Variants in EEA1 observed in about 807,000 individuals in gnomAD.
The protein encoded by EEA1 is early endosome antigen 1, 162kD.
A neutral mutation model predicts 209.2 loss-of-function variants in EEA1; 111 were observed. That is an observed-to-expected ratio of 0.53 (90% CI 0.45 to 0.62). The LOEUF is 0.62. Among genes scored for constraint, EEA1 ranks in the 20% least tolerant of loss-of-function variants. The pLI is 0.00. For missense variants in EEA1, 1,343 were observed against 1,530.8 expected (o/e 0.88, Z 2.05); for synonymous variants, 536 against 540.6 (o/e 0.99, Z 0.12).
chr12:92,838,915 T>C lies in EEA1; in HGVS notation c.915+3550A>G, dbSNP rs185456537. Reference sequence around the variant, plus strand: ...GAGTTATACTGAACTAGCCACACTTTTTTTTTTATGAAACACCACTTTTAC... The same window carrying C: ...GAGTTATACTGAACTAGCCACACTTCTTTTTTTATGAAACACCACTTTTAC... On this transcript the variant is annotated intron_variant, in intron 10 of 28. Transcript: ENST00000322349. 5.9e-3 allele frequency among the ~76,000 whole-genome samples: 897 copies of C among 152,266 alleles called. 8 individuals are homozygous for C. The highest frequency in any genetic ancestry group is 0.021 in the African/African-American group (857 of 41,560).
At chr12:92,843,359 A>G (rs930375032) in intron 9 of EEA1, among the ~76,000 whole-genome samples, 6 of 151,868 alleles carry the variant, frequency 4.0e-5, no homozygotes, top group Non-Finnish European at 2.9e-5. Context: ...GGGTCTTACT[A>G]TGTTGCCTAG....
At chr12:92,819,548 G>C (rs1350829651) in intron 13 of EEA1, 37 bp from the exon 14 acceptor site, 1 of 1,421,362 alleles carries the variant, frequency 7.0e-7, no homozygotes, top group Non-Finnish European at 9.5e-7. Context: ...TAAGAATAGA[G>C]AACTTAAAAA....
At chr12:92,787,677 T>C (rs1369412713) in intron 22 of EEA1, among the ~76,000 whole-genome samples, 190 bp downstream of exon 22, 2 of 152,134 alleles carry the variant, frequency 1.3e-5, no homozygotes, top group Non-Finnish European at 2.9e-5. Flanking sequence ...ATTATAAATA[T>C]GTCATTTTAA....
intron 2 of EEA1, among the ~76,000 whole-genome samples, chr12:92,882,716 C>G (rs1238984960): frequency 6.6e-6 from 1 of 152,160 alleles, no homozygotes; most frequent in African/African-American, 2.4e-5. Flanking sequence ...ATAATAGCCT[C>G]TAGCTGCATC....
Position 92,801,662 on chromosome 12 carries a change from G to T in EEA1, c.2710C>A (p.Gln904Lys). 6.3e-7 allele frequency: 1 copy of T among 1,595,688 alleles called. No homozygotes were observed. ...CKELKHQLQVQMENTLKEQKE... is the reference protein window; with the variant it reads ...CKELKHQLQVKMENTLKEQKE... ...TGTTCCTTAAGTGTGTTTTCCATCTGCACTTGAAGTTGATGCTTTAATTCT... is the reference window on the plus strand; with the variant it reads ...TGTTCCTTAAGTGTGTTTTCCATCTTCACTTGAAGTTGATGCTTTAATTCT... Residue 904 changes from glutamine to lysine, a missense_variant, in exon 20 of 29, where the codon CAG becomes AAG. Gln to Lys is a moderately conservative substitution (Grantham distance 53). Around this residue, in one of 3 missense-constraint regions of EEA1, gnomAD observed 1,307 missense variants for 1,465.5 expected, o/e 0.89. Transcript: ENST00000322349.
intron 2 of EEA1, among the ~76,000 whole-genome samples, chr12:92,887,175 C>CA (rs924030036): frequency 4.7e-5 from 7 of 148,806 alleles, no homozygotes; most frequent in African/African-American, 9.9e-5. Context: ...AAATGAAAAA[C>CA]AAAAAAAAAG....
intron 2 of EEA1, among the ~76,000 whole-genome samples, chr12:92,888,849 T>A (rs1408710826): frequency 6.6e-6 from 1 of 151,986 alleles, no homozygotes. Context: ...TTATGTATGT[T>A]ACAAAAGAAA....
Position 92,776,144 on chromosome 12 carries a change from CA to C in EEA1, c.4114-12del. On this transcript the variant is annotated splice_polypyrimidine_tract_variant and intron_variant, in intron 28 of 28. Coordinates refer to ENST00000322349, the MANE Select transcript of EEA1 (RefSeq NM_003566.4). ...CTGTCGGCAGTGATGCTGTAAATGACAAAAATTAAACAATTTCAAGAATAAA... is the reference window on the plus strand; with the variant it reads ...CTGTCGGCAGTGATGCTGTAAATGACAAAATTAAACAATTTCAAGAATAAA... 1 of 1,594,452 alleles carries C rather than the reference CA, an allele frequency of 6.3e-7. No individual in the cohort carries two copies. The highest frequency in any genetic ancestry group is 8.5e-7 in the Non-Finnish European group (1 of 1,170,264).
intron 1 of EEA1, among the ~76,000 whole-genome samples, chr12:92,910,704 C>T (rs559551686): frequency 6.6e-6 from 1 of 152,124 alleles, no homozygotes; most frequent in South Asian, 2.1e-4. Context: ...AAGTCACAGA[C>T]TGGAGAAAAA....
rs1251755314 is a variant in EEA1 at position 92,919,131 on chromosome 12, G to A, written c.24+9912C>T. On this transcript the variant is annotated intron_variant, in intron 1 of 28. Transcript: ENST00000322349. Reference sequence around the variant, plus strand: ...AGCTTACCAACCAAAAAGGGTCCAGGACCAGATGGATTCACAGCCAAATTC... The same window carrying A: ...AGCTTACCAACCAAAAAGGGTCCAGAACCAGATGGATTCACAGCCAAATTC... Among the ~76,000 whole-genome samples, 12 of 151,732 alleles carry A rather than the reference G, an allele frequency of 7.9e-5. No individual in the cohort carries two copies. The South Asian group carries it at 2.3e-3, about 29-fold the overall frequency.
intron 1 of EEA1, among the ~76,000 whole-genome samples, chr12:92,909,669 G>A (rs1424134325): frequency 6.6e-6 from 1 of 152,200 alleles, no homozygotes; most frequent in East Asian, 1.9e-4. Flanking sequence ...CTCATGAATG[G>A]ATTGCCATTA....
At chr12:92,852,564 A>C (rs1166555952) in intron 7 of EEA1, among the ~76,000 whole-genome samples, 1 of 152,142 alleles carries the variant, frequency 6.6e-6, no homozygotes, top group Admixed American at 6.5e-5. Context: ...TGTTAAAAAC[A>C]TATATATGTA....
intron 2 of EEA1, among the ~76,000 whole-genome samples, chr12:92,873,522 C>T (rs1051072076): frequency 7.2e-5 from 11 of 152,076 alleles, no homozygotes; most frequent in African/African-American, 2.7e-4. Context: ...AAAAGAGATA[C>T]GAAAGATCAT....
intron 1 of EEA1, among the ~76,000 whole-genome samples, chr12:92,893,719 CATTTTT>C (rs1879754370): frequency 6.6e-6 from 1 of 151,800 alleles, no homozygotes; most frequent in African/African-American, 2.4e-5. Flanking sequence ...CAGGAATCTT[CATTTTT>C]ATTTTTTTCA....
At chr12:92,908,576 C>T (rs1021964922) in intron 1 of EEA1, among the ~76,000 whole-genome samples, 1 of 151,296 alleles carries the variant, frequency 6.6e-6, no homozygotes, top group African/African-American at 2.4e-5. Context: ...GTTTCTACTA[C>T]ATATCCTTTT....
intron 2 of EEA1, among the ~76,000 whole-genome samples, chr12:92,888,091 A>G (rs1416723409): frequency 6.6e-6 from 1 of 152,202 alleles, no homozygotes; most frequent in East Asian, 1.9e-4. Context: ...TCTTCTCAAC[A>G]GTAACAATGT....
intron 1 of EEA1, among the ~76,000 whole-genome samples, chr12:92,923,623 C>A (rs1265785781): frequency 6.6e-6 from 1 of 152,146 alleles, no homozygotes; most frequent in Non-Finnish European, 1.5e-5. Flanking sequence ...CCCCTCTCCA[C>A]CACATAGTTA....
intron 1 of EEA1, among the ~76,000 whole-genome samples, chr12:92,928,321 G>C (rs775689959): frequency 6.6e-6 from 1 of 152,192 alleles, no homozygotes; most frequent in Non-Finnish European, 1.5e-5. Context: ...TTCAGAGACA[G>C]CACAGGCAGA....
intron 2 of EEA1, among the ~76,000 whole-genome samples, chr12:92,888,487 G>T (rs899671414): frequency 4.0e-5 from 6 of 151,892 alleles, no homozygotes; most frequent in Non-Finnish European, 7.4e-5. Flanking sequence ...TGAGGCAGGA[G>T]AATGGCGTGA....
Sources: allele counts gnomAD v4.1 joint callset (sites outside exome capture counted in the v4.1 genomes callset), GRCh38; gene constraint gnomAD v4.1.1; regional missense constraint gnomAD v4.1.1; transcripts MANE v1.5; gene names NCBI Gene and HGNC (gene_info 2026-07-23, HGNC 2026-07-21).